FAM13A: variants seen among roughly 807,000 people sequenced by gnomAD.
FAM13A encodes the protein family with sequence similarity 13 member A.
In FAM13A, 76 loss-of-function variants were observed where a neutral mutation model predicts 129.6. The ratio of observed to expected loss-of-function variants is 0.59; its 90% CI spans 0.49 to 0.71. FAM13A has a LOEUF of 0.71. FAM13A is among the 30% of genes least tolerant of loss of function. FAM13A has a pLI of 0.00. For synonymous variants in FAM13A, 443 were observed against 449.9 expected, an observed-to-expected ratio of 0.98 and a Z score of 0.20; for missense variants, 1,108 against 1,249.3, an observed-to-expected ratio of 0.89 and a Z score of 1.70.
Position 88,746,964 on chromosome 4 carries a change from G to C in FAM13A, c.2434C>G (p.Leu812Val), listed in dbSNP as rs765313625. The C allele has an allele frequency of 1.2e-6, 2 of 1,613,666 alleles. No individual in the cohort carries two copies. Among genetic ancestry groups the C allele is most frequent in the Non-Finnish European group, 1.7e-6 (2 of 1,179,630 alleles). ...ANEKVALQKA[L>V]LYYESIHGRP... ...CCATGAATGCTTTCATAATATAACA[G>C]AGCTTTCTGCAGAGCCACTTTCTCA... is the stretch of plus-strand genomic sequence containing the variant. The change falls in exon 19 of 24, where the codon CTG becomes GTG. Residue 812 changes from leucine (L) to valine (V), a missense_variant. Physicochemically the swap from Leu to Val is conservative, Grantham distance 32. Coordinates refer to ENST00000264344, the MANE Select transcript of FAM13A (RefSeq NM_014883.4).
At chr4:88,735,535 T>C (rs1738808681) in intron 21 of FAM13A, among the ~76,000 whole-genome samples, 1 of 152,158 alleles carries the variant, frequency 6.6e-6, no homozygotes, top group Non-Finnish European at 1.5e-5. Flanking sequence ...CTAGGTTTCT[T>C]TGGGTTGGAA....
chr4:88,866,268 G>C (rs1740423545), intron 6 of FAM13A, among the ~76,000 whole-genome samples: 1 of 152,026 alleles, frequency 6.6e-6, no homozygotes, highest in Admixed American at 6.6e-5. Flanking sequence ...GGCTGGTCTT[G>C]AACTCCTGAC....
At chr4:88,748,457 G>T (rs1202540609) in intron 17 of FAM13A, among the ~76,000 whole-genome samples, 1 of 152,146 alleles carries the variant, frequency 6.6e-6, no homozygotes, top group African/African-American at 2.4e-5. Flanking sequence ...GGTATTTAGT[G>T]ATCTAATGCC....
At chr4:88,737,059 A>G (rs763267504) in intron 21 of FAM13A, among the ~76,000 whole-genome samples, 2 of 152,242 alleles carry the variant, frequency 1.3e-5, no homozygotes, top group Non-Finnish European at 2.9e-5. Context: ...TATAAACAGT[A>G]TATGAGATTC....
chr4:88,927,031 G>A (rs1391851738), intron 5 of FAM13A, among the ~76,000 whole-genome samples: 1 of 151,938 alleles, frequency 6.6e-6, no homozygotes, highest in Non-Finnish European at 1.5e-5. Context: ...TCCCTTGATG[G>A]ACATTAAGGT....
At chr4:88,860,338 C>T (rs974144535) in intron 6 of FAM13A, among the ~76,000 whole-genome samples, 1 of 152,196 alleles carries the variant, frequency 6.6e-6, no homozygotes, top group African/African-American at 2.4e-5. Flanking sequence ...GATGAGAATA[C>T]TCAGGATTCT....
intron 5 of FAM13A, among the ~76,000 whole-genome samples, chr4:88,916,866 T>A (rs1233991526): frequency 6.6e-6 from 1 of 152,216 alleles, no homozygotes; most frequent in Non-Finnish European, 1.5e-5. Flanking sequence ...GATGACATAG[T>A]AACTTCCTTA....
chr4:88,815,562 G>C (rs1487822857), intron 7 of FAM13A, among the ~76,000 whole-genome samples: 1 of 152,068 alleles, frequency 6.6e-6, no homozygotes, highest in East Asian at 1.9e-4. Context: ...TTTAAATTTA[G>C]AAATACAGAC....
chr4:88,924,445 A>C (rs1249858000), intron 5 of FAM13A, among the ~76,000 whole-genome samples: 1 of 152,170 alleles, frequency 6.6e-6, no homozygotes, highest in African/African-American at 2.4e-5. Context: ...CAAAAACAAG[A>C]AATGGGGAAA....
intron 4 of FAM13A, among the ~76,000 whole-genome samples, chr4:88,957,627 A>G (rs557954909): frequency 6.6e-6 from 1 of 152,364 alleles, no homozygotes; most frequent in South Asian, 2.1e-4. Flanking sequence ...GGTAACAGGC[A>G]GAGGTTGGAA....
At chr4:88,744,357 C>T (rs547435457) in intron 19 of FAM13A, among the ~76,000 whole-genome samples, 24 of 152,104 alleles carry the variant, frequency 1.6e-4, no homozygotes, top group Admixed American at 7.9e-4. Flanking sequence ...TTGAAGAGGA[C>T]GCACTTTAAT....
intron 6 of FAM13A, among the ~76,000 whole-genome samples, chr4:88,852,521 A>G (rs1737764694): frequency 6.6e-6 from 1 of 152,098 alleles, no homozygotes; most frequent in Non-Finnish European, 1.5e-5. Flanking sequence ...ACTACCACAT[A>G]GTCTACCCTT....
Position 88,873,462 on chromosome 4 carries a change from A to C in FAM13A, c.844-22279T>G, listed in dbSNP as rs1242345199. Among the ~76,000 whole-genome samples, 19 of 152,376 alleles carry C rather than the reference A, an allele frequency of 1.2e-4. No homozygotes were observed. In the East Asian group the frequency reaches 3.5e-3, roughly 28 times the overall value. On this transcript the variant is annotated intron_variant, in intron 6 of 23. Transcript: ENST00000264344. ...AACAAAAAATGATAAAGGGGATATC[A>C]CCACCGATCCCACAGAAATACAAAC...
Position 88,747,651 on chromosome 4 carries a change from T to C in FAM13A, c.2362A>G (p.Ser788Gly). ...CGCACCTTAATGTCCTCAGGGCGGC[T>C]GCTTTCCGCTCGCTTCTCCTGGAGC... ...RKLQEKRAES[S>G]RPEDIKDMTK... is the part of the protein sequence containing the mutation. Residue 788 changes from serine to glycine, a missense_variant, in exon 18 of 24, where the codon AGC (serine) becomes GGC (glycine). Physicochemically the swap from Ser to Gly is moderately conservative, Grantham distance 56 (BLOSUM62 0). Coordinates refer to ENST00000264344, the MANE Select transcript of FAM13A (RefSeq NM_014883.4). The C allele has an allele frequency of 1.2e-6, 2 of 1,614,170 alleles. No homozygotes were observed. The highest frequency in any genetic ancestry group is 1.7e-6 in the Non-Finnish European group (2 of 1,180,012).
chr4:88,926,082 A>C (rs1448646382), intron 5 of FAM13A, among the ~76,000 whole-genome samples: 1 of 152,090 alleles, frequency 6.6e-6, no homozygotes, highest in East Asian at 1.9e-4. Flanking sequence ...TGTCACTCTT[A>C]AGCTCCCACA....
At chr4:89,001,329 T>C (rs1479317711) in intron 3 of FAM13A, among the ~76,000 whole-genome samples, 1 of 152,210 alleles carries the variant, frequency 6.6e-6, no homozygotes, top group Admixed American at 6.5e-5. Context: ...TGCTGATTGA[T>C]TGGTACCTTG....
chr4:88,856,999 T>A (rs552299693), intron 6 of FAM13A, among the ~76,000 whole-genome samples: 90 of 152,348 alleles, frequency 5.9e-4, no homozygotes, highest in African/African-American at 2.1e-3. Flanking sequence ...AAAAGAGATT[T>A]GTTTACTAAA....
intron 1 of FAM13A, among the ~76,000 whole-genome samples, chr4:89,048,270 T>C (rs1457629778): frequency 1.3e-5 from 2 of 152,162 alleles, no homozygotes; most frequent in Non-Finnish European, 2.9e-5. Context: ...AAATGTGATA[T>C]ATCATAAACA....
At position 88,761,597 on chromosome 4, in the gene FAM13A, G is replaced by A. The variant is rs575754350; in HGVS notation, c.1579-2696C>T. On this transcript the variant is annotated intron_variant, in intron 13 of 23. Coordinates refer to ENST00000264344, the MANE Select transcript of FAM13A (RefSeq NM_014883.4). ...CAAGTGCAAAGGCAGGCATGAGAGC[G>A]TGGCATGCTGGGCCACAGCAAGAGA... 3.3e-5 allele frequency among the ~76,000 whole-genome samples: 5 copies of A among 152,184 alleles called. No homozygotes were observed. The South Asian group carries it at 1.0e-3, about 32-fold the overall frequency.
Sources: allele counts gnomAD v4.1 joint callset (sites outside exome capture counted in the v4.1 genomes callset), GRCh38; gene constraint gnomAD v4.1.1; transcripts MANE v1.5; gene names NCBI Gene and HGNC (gene_info 2026-07-23, HGNC 2026-07-21).